PCDHGB6: variants seen among roughly 807,000 people sequenced by gnomAD.
The protein encoded by PCDHGB6 is protocadherin gamma subfamily B, 6.
PCDHGB6 carries 51 observed loss-of-function variants against 59.1 expected under a neutral mutation model. The ratio of observed to expected loss-of-function variants is 0.86; its 90% confidence interval spans 0.69 to 1.09. The LOEUF (loss-of-function observed/expected upper bound fraction) is 1.09, where lower values mean the gene tolerates loss of function less well. Ranked by LOEUF, PCDHGB6 falls within the 50% of genes least tolerant of loss-of-function variation. The pLI, the probability that PCDHGB6 is intolerant of heterozygous loss-of-function variation, is 0.00. For missense variants in PCDHGB6, 1,148 were observed against 1,205.1 expected (o/e 0.95, Z 0.70); for synonymous variants, 466 against 495.1 (o/e 0.94, Z 0.78).
At chr5:141,447,313 T>C (rs2098534296) in intron 1 of PCDHGB6, among the ~76,000 whole-genome samples, 1 of 152,146 alleles carries the variant, frequency 6.6e-6, no homozygotes, top group African/African-American at 2.4e-5. Context: ...CTAATTTTTG[T>C]ATTTTTAGTA....
intron 1 of PCDHGB6, chr5:141,417,389 A>C (rs578088616): frequency 2.5e-4 from 39 of 154,566 alleles, no homozygotes; most frequent in Admixed American, 4.5e-4. Flanking sequence ...ATTTTGAAGA[A>C]AAAATATTCA....
intron 3 of PCDHGB6, among the ~76,000 whole-genome samples, chr5:141,509,815 TCTC>T (rs1596250992): frequency 6.6e-6 from 1 of 152,226 alleles, no homozygotes; most frequent in East Asian, 1.9e-4. Flanking sequence ...GCCGAGCTCT[TCTC>T]CATCTTCTCT....
intron 1 of PCDHGB6, among the ~76,000 whole-genome samples, chr5:141,436,199 A>G (rs576607542): frequency 7.2e-5 from 11 of 152,282 alleles, no homozygotes; most frequent in East Asian, 5.8e-4. Context: ...AAAGAAAGAC[A>G]TAATAGGAAA....
rs140199351 is a variant in PCDHGB6, at chr5:141,465,921, G to C, written c.2419-28886G>C. Among the ~76,000 whole-genome samples, 1,515 of 152,146 alleles carry C rather than the reference G, an allele frequency of 1.0e-2. 24 individuals carry two copies. The highest frequency in any genetic ancestry group is 0.034 in the African/African-American group (1,400 of 41,520). On this transcript the variant is annotated intron_variant, in intron 1 of 3. Transcript: ENST00000520790. ...GCAAATCACGAGGTCAGGATTTCGA[G>C]TCCATCCTGGCTAACATGGTGAAAC...
intron 1 of PCDHGB6, among the ~76,000 whole-genome samples, chr5:141,479,817 A>T (rs773702225): frequency 6.6e-6 from 1 of 152,230 alleles, no homozygotes; most frequent in Non-Finnish European, 1.5e-5. Flanking sequence ...CAAGGATACT[A>T]TCCAAGGCAT....
chr5:141,492,719 C>A (rs1367632029), intron 1 of PCDHGB6, among the ~76,000 whole-genome samples: 1 of 152,280 alleles, frequency 6.6e-6, no homozygotes, highest in Non-Finnish European at 1.5e-5. Context: ...AGCAGGCGGA[C>A]AGGCAGAGCT....
chr5:141,494,251 G>C (rs961451413), intron 1 of PCDHGB6, among the ~76,000 whole-genome samples: 2 of 152,214 alleles, frequency 1.3e-5, no homozygotes, highest in African/African-American at 4.8e-5. Context: ...TTAGCTGTGG[G>C]AAGAGATTCT....
chr5:141,415,404 C>T, intron 1 of PCDHGB6: 1 of 1,614,238 alleles, frequency 6.2e-7, no homozygotes, highest in Non-Finnish European at 8.5e-7. Context: ...CCGGCTCGCA[C>T]TTTGTGGGCG....
chr5:141,437,664 A>G (rs10035418), intron 1 of PCDHGB6, among the ~76,000 whole-genome samples: 45,525 of 151,942 alleles, frequency 0.3, 8,040 homozygotes, highest in African/African-American at 0.5. Context: ...AGTTTCGAAG[A>G]GATGTTGATC....
At position 141,495,662 on chromosome 5, in the gene PCDHGB6, C is replaced by T. The variant is rs545912968; in HGVS notation, c.2477+797C>T. The stretch of plus-strand genomic sequence containing the variant: ...TTTGTCTACTTGCATTGATCTGTGC[C>T]GCCCACTGTGCCTGCCATGGCATAA... On this transcript the variant is annotated intron_variant, in intron 2 of 3. Coordinates refer to ENST00000520790, the MANE Select transcript of PCDHGB6 (RefSeq NM_018926.3). Among the ~76,000 whole-genome samples, 8 of 152,256 alleles carry T rather than the reference C, an allele frequency of 5.3e-5. No individual in the cohort carries two copies. In the South Asian group the frequency reaches 6.2e-4, roughly 12 times the overall value.
intron 1 of PCDHGB6, chr5:141,421,488 G>C: frequency 3.1e-6 from 5 of 1,614,100 alleles, no homozygotes; most frequent in Non-Finnish European, 4.2e-6. Flanking sequence ...GCTTGATCAC[G>C]GCAGGCAGGA....
chr5:141,428,430 GA>G, intron 1 of PCDHGB6: 1 of 421,748 alleles, frequency 2.4e-6, no homozygotes. Flanking sequence ...TCTGTTCTAA[GA>G]CTAGACCAGG....
At position 141,491,168 on chromosome 5, in the gene PCDHGB6, A is replaced by T. The variant is rs1293664414; in HGVS notation, c.2419-3639A>T. On this transcript the variant is annotated intron_variant, in intron 1 of 3. Transcript: ENST00000520790. This position sits in a 1 kb window ranked among gnomAD's most constrained non-coding sequence, Gnocchi z 6.9. ...CTGGAGGATGACTCTGACACCCAGC[A>T]GGTGGTGGTCCTGGTGAGGGACAAT... 3.1e-6 allele frequency: 5 copies of T among 1,614,160 alleles called. No individual in the cohort carries two copies. The highest frequency in any genetic ancestry group is 4.2e-6 in the Non-Finnish European group (5 of 1,179,988).
At chr5:141,459,930 T>C (rs1385764489) in intron 1 of PCDHGB6, among the ~76,000 whole-genome samples, 1 of 152,176 alleles carries the variant, frequency 6.6e-6, no homozygotes, top group East Asian at 1.9e-4. Context: ...TATATCCTTG[T>C]AGCTGGGCGT....
At chr5:141,465,186 G>T (rs2099098546) in intron 1 of PCDHGB6, among the ~76,000 whole-genome samples, 1 of 151,852 alleles carries the variant, frequency 6.6e-6, no homozygotes, top group African/African-American at 2.4e-5. Flanking sequence ...TTAATTAAAA[G>T]ATAAAAATAA....
Position 141,420,249 on chromosome 5 carries a change from A to C in PCDHGB6, c.2418+9629A>C. 4 of 1,580,072 alleles carry C rather than the reference A, an allele frequency of 2.5e-6. No homozygotes were observed. In the Admixed American group the frequency reaches 7.3e-5, roughly 29 times the overall value. On this transcript the variant is annotated intron_variant, in intron 1 of 3. Transcript: ENST00000520790. The stretch of plus-strand genomic sequence containing the variant: ...GCTAGCATTTTAACTCCCAGCGTTG[A>C]AGCAGATAAGAAGATTCTTAAACAG...
chr5:141,472,316 C>T (rs1456055286), intron 1 of PCDHGB6, among the ~76,000 whole-genome samples: 6 of 151,940 alleles, frequency 3.9e-5, no homozygotes, highest in Non-Finnish European at 8.8e-5. Context: ...CCGAGGCAGG[C>T]AGATCACGAG....
intron 1 of PCDHGB6, chr5:141,422,516 G>A (rs575294611): frequency 1.2e-6 from 2 of 1,614,014 alleles, no homozygotes; most frequent in African/African-American, 1.3e-5. Context: ...GACCAGGGAA[G>A]CCCGCCTTTG....
At chr5:141,420,094 G>A in intron 1 of PCDHGB6, 7 of 1,614,058 alleles carry the variant, frequency 4.3e-6, no homozygotes, top group Non-Finnish European at 5.9e-6. Flanking sequence ...ACTACAGTGA[G>A]GGAACGTTGC....
Sources: allele counts gnomAD v4.1 joint callset (sites outside exome capture counted in the v4.1 genomes callset), GRCh38; gene constraint gnomAD v4.1.1; non-coding constraint Gnocchi (gnomAD v3.1); transcripts MANE v1.5; gene names NCBI Gene and HGNC (gene_info 2026-07-23, HGNC 2026-07-21).